KCNQ1: variants seen among roughly 807,000 people sequenced by gnomAD.
The protein encoded by KCNQ1 is potassium voltage-gated channel subfamily Q member 1.
A neutral mutation model predicts 72.4 loss-of-function variants in KCNQ1; 49 were observed. The observed-to-expected ratio is 0.68, with a 90% CI of 0.54 to 0.86. KCNQ1 has a LOEUF of 0.86. Ranked by LOEUF, KCNQ1 falls within the 40% of genes least tolerant of loss-of-function variation. The pLI is 0.00. For synonymous variants in KCNQ1, 450 were observed against 412.6 expected (o/e 1.09, Z -1.10); for missense variants, 790 against 945.1 (o/e 0.84, Z 2.15).
chr11:2,528,581 AG>A (rs1246474641), intron 2 of KCNQ1, among the ~76,000 whole-genome samples: 29 of 152,332 alleles, frequency 1.9e-4, no homozygotes, highest in Admixed American at 3.9e-4. Flanking sequence ...GCTGCCTGGA[AG>A]GTGGGGTGCA....
intron 2 of KCNQ1, among the ~76,000 whole-genome samples, chr11:2,556,206 A>G (rs1215358459): frequency 6.6e-6 from 1 of 152,204 alleles, no homozygotes; most frequent in African/African-American, 2.4e-5. Context: ...CCCGTTTGAT[A>G]AGAACACCAG....
rs112065678 is a variant in KCNQ1 at position 2,667,065 on chromosome 11, T to C, written c.1514+4984T>C. 81 of 398,628 alleles carry C rather than the reference T, an allele frequency of 2.0e-4. 2 individuals carry two copies. Among genetic ancestry groups the C allele is most frequent in the African/African-American group, 1.4e-3 (68 of 48,754 alleles). 24.7% of individuals were successfully genotyped at this position (398,628 alleles called of 1,614,324 possible). On this transcript the variant is annotated intron_variant, in intron 11 of 15. Coordinates refer to ENST00000155840, the MANE Select transcript of KCNQ1 (RefSeq NM_000218.3). ...GCCAGGCTCAAACCCGTCTCTGAAA[T>C]GCACGGGGGGATTAAATGTTCTTCT...
At position 2,625,225 on chromosome 11, in the gene KCNQ1, T is replaced by C. The variant is rs1849243971; in HGVS notation, c.1393+36371T>C. 1.5e-5 allele frequency: 6 copies of C among 398,682 alleles called. No individual in the cohort carries two copies. The East Asian group carries it at 2.1e-4, about 14-fold the overall frequency. 24.7% of individuals were successfully genotyped at this position (398,682 alleles called of 1,614,324 possible). A position where few individuals can be genotyped will look rare whatever the true frequency, so the allele number is the denominator to read the frequency against. ...GCACAAGGATTCCAATTTCTCCATG[T>C]CCCTTCCAGCAGTGGTTATTTTCTG... On this transcript the variant is annotated intron_variant, in intron 10 of 15. Coordinates refer to ENST00000155840, the MANE Select transcript of KCNQ1 (RefSeq NM_000218.3).
intron 1 of KCNQ1, among the ~76,000 whole-genome samples, chr11:2,514,145 GC>G (rs1847251955): frequency 6.6e-6 from 1 of 152,204 alleles, no homozygotes; most frequent in African/African-American, 2.4e-5. Flanking sequence ...CCCCTCCCCT[GC>G]CATTATCGTA....
intron 10 of KCNQ1, chr11:2,640,546 A>T (rs1849556927): frequency 2.6e-6 from 1 of 384,264 alleles, no homozygotes; most frequent in Non-Finnish European, 4.5e-6. Context: ...TTGGCCCCCC[A>T]AAGCACTGGG....
At position 2,658,611 on chromosome 11, in the gene KCNQ1, G is replaced by T. The variant is rs1849894769; in HGVS notation, c.1394-3350G>T. The T allele has an allele frequency of 5.0e-6, 2 of 398,394 alleles. No homozygotes were observed. The highest frequency in any genetic ancestry group is 7.1e-5 in the East Asian group (2 of 28,068). The allele number at this position is 398,394 out of a possible 1,614,324, so 24.7% of individuals were successfully genotyped here. ...TCCCTGGAGAATGAATAGAAAACCT[G>T]GATCTAGGCACGGGGTATGCTCGTG... On this transcript the variant is annotated intron_variant, in intron 10 of 15. Transcript: ENST00000155840. The surrounding 1 kb of genome is among the most constrained non-coding windows in gnomAD (Gnocchi z 4.9).
intron 15 of KCNQ1, among the ~76,000 whole-genome samples, chr11:2,847,059 TAA>T (rs1848345291): frequency 6.6e-6 from 1 of 152,138 alleles, no homozygotes; most frequent in African/African-American, 2.4e-5. Flanking sequence ...CCCGCTAGGT[TAA>T]AGACATGGCA....
In KCNQ1 at chr11:2,454,177, G is replaced by A. The variant is rs183759007; in HGVS notation, c.386+8693G>A. Among the ~76,000 whole-genome samples, 137 of 152,118 alleles carry A rather than the reference G, an allele frequency of 9.0e-4. 1 individual carries two copies. Among genetic ancestry groups the A allele is most frequent in the African/African-American group, 3.1e-3 (129 of 41,496 alleles). Reference sequence around the variant, plus strand: ...GTCTGGATGTATATTAAAAACGAAAGCAATGGAAGCCTCCAAATCTTAAAA... The same window carrying A: ...GTCTGGATGTATATTAAAAACGAAAACAATGGAAGCCTCCAAATCTTAAAA... On this transcript the variant is annotated intron_variant, in intron 1 of 15. Transcript: ENST00000155840.
In KCNQ1 at chr11:2,494,703, A is replaced by G. The variant is rs985885705; in HGVS notation, c.387-33225A>G. Among the ~76,000 whole-genome samples the G allele has an allele frequency of 5.9e-5, 9 of 152,302 alleles. No homozygotes were observed. The highest frequency in any genetic ancestry group is 6.5e-5 in the Admixed American group (1 of 15,294). ...CAGGGATGAAGCCCACTTGATCACCATGGATAAGCTTTTTGATGTGCTGCT... is the reference window on the plus strand; with the variant it reads ...CAGGGATGAAGCCCACTTGATCACCGTGGATAAGCTTTTTGATGTGCTGCT... On this transcript the variant is annotated intron_variant, in intron 1 of 15. Transcript: ENST00000155840. This position sits in a 1 kb window ranked among gnomAD's most constrained non-coding sequence, Gnocchi z 4.6.
At position 2,768,884 on chromosome 11, in the gene KCNQ1, C is replaced by T. The variant is rs199472787; in HGVS notation, c.1555C>T (p.Arg519Cys). The change falls in exon 12 of 16, where the codon CGC becomes TGC. Residue 519 changes from arginine (R) to cysteine (C), a missense_variant. By Grantham distance (180) the Arg-to-Cys change is radical (BLOSUM62 -3). Around this residue, in one of 5 missense-constraint regions of KCNQ1, gnomAD observed 91 missense variants for 139.1 expected, o/e 0.65. Coordinates refer to ENST00000155840, the MANE Select transcript of KCNQ1 (RefSeq NM_000218.3). The surrounding 1 kb of genome is among the most constrained non-coding windows in gnomAD (Gnocchi z 6.7). The part of the protein sequence containing the change: ...HHRATIKVIR[R>C]MQYFVAKKKF... ...TCGGGCCACCATTAAGGTCATTCGACGCATGCAGTACTTTGTGGCCAAGAA... is the reference window on the plus strand; with the variant it reads ...TCGGGCCACCATTAAGGTCATTCGATGCATGCAGTACTTTGTGGCCAAGAA... 35 of 1,613,920 alleles carry T rather than the reference C, an allele frequency of 2.2e-5. No individual in the cohort carries two copies. The highest frequency in any genetic ancestry group is 1.6e-4 in the Middle Eastern group (1 of 6,082).
At chr11:2,594,069 T>C (rs1848705150) in intron 10 of KCNQ1, among the ~76,000 whole-genome samples, 1 of 152,214 alleles carries the variant, frequency 6.6e-6, no homozygotes, top group Non-Finnish European at 1.5e-5. Flanking sequence ...AGACTTGCAG[T>C]TTTCTGTCTC....
At chr11:2,610,025 T>G in intron 10 of KCNQ1, 1 of 398,000 alleles carries the variant, frequency 2.5e-6, no homozygotes. Flanking sequence ...ATTATTGATA[T>G]AATTAGATTT....
At chr11:2,771,138 C>T (rs965177994) in intron 12 of KCNQ1, among the ~76,000 whole-genome samples, 11 of 152,226 alleles carry the variant, frequency 7.2e-5, no homozygotes, top group Admixed American at 1.3e-4. Context: ...TGCAGAACTG[C>T]GCCACTTGGG....
chr11:2,582,575 C>T (rs1013253542), intron 6 of KCNQ1, among the ~76,000 whole-genome samples: 3 of 152,192 alleles, frequency 2.0e-5, no homozygotes, highest in Admixed American at 1.3e-4. Context: ...GTGCCCAGAG[C>T]AGGGCTGCAA....
intron 10 of KCNQ1, chr11:2,638,544 G>A (rs1188956711): frequency 1.3e-5 from 2 of 152,126 alleles, no homozygotes; most frequent in African/African-American, 2.4e-5. Context: ...TGAGAGATCC[G>A]CCGTTAGTCT....
chr11:2,761,348 GTCT>G (rs1448526093), intron 11 of KCNQ1, among the ~76,000 whole-genome samples: 3 of 152,112 alleles, frequency 2.0e-5, no homozygotes, highest in Non-Finnish European at 4.4e-5. Context: ...AGCCGCTTGT[GTCT>G]TCTTCTGCCG....
At chr11:2,699,814 C>T (rs568231950) in intron 11 of KCNQ1, 6 of 397,222 alleles carry the variant, frequency 1.5e-5, no homozygotes, top group African/African-American at 8.3e-5. Context: ...GGGAGAACCA[C>T]GATGACTGAC....
intron 10 of KCNQ1, chr11:2,660,423 A>G (rs1849931274): frequency 2.5e-6 from 1 of 398,622 alleles, no homozygotes; most frequent in Non-Finnish European, 4.4e-6. Flanking sequence ...CACTTTAAAA[A>G]CATAAAACAT....
At chr11:2,685,904 G>C (rs947592238) in intron 11 of KCNQ1, 1 of 398,614 alleles carries the variant, frequency 2.5e-6, no homozygotes, top group African/African-American at 2.1e-5. Flanking sequence ...TGTTCTCCAC[G>C]GATGAGCCTG....
Sources: allele counts gnomAD v4.1 joint callset (sites outside exome capture counted in the v4.1 genomes callset), GRCh38; gene constraint gnomAD v4.1.1; regional missense constraint gnomAD v4.1.1; non-coding constraint Gnocchi (gnomAD v3.1); transcripts MANE v1.5; gene names NCBI Gene and HGNC (gene_info 2026-07-23, HGNC 2026-07-21).